The following MPP7 variants were observed in gnomAD, a reference collection of about 807,000 sequenced individuals.
The protein encoded by MPP7 is MAGUK p55 subfamily member 7.
In MPP7, 60 loss-of-function variants were observed where a neutral mutation model predicts 76.5. The observed-to-expected ratio is 0.78, with a 90% CI of 0.64 to 0.97. The LOEUF is 0.97. Ranked by LOEUF, MPP7 falls within the 50% of genes least tolerant of loss-of-function variation. The pLI is 0.00. For synonymous variants in MPP7, 237 were observed against 244.5 expected (o/e 0.97, Z 0.29); for missense variants, 641 against 694.0 (o/e 0.92, Z 0.86).
At chr10:28,110,722 G>C (rs1432909913) in intron 11 of MPP7, among the ~76,000 whole-genome samples, 1 of 151,928 alleles carries the variant, frequency 6.6e-6, no homozygotes, top group Non-Finnish European at 1.5e-5. Flanking sequence ...TAATATTTTA[G>C]GCCTCTTTCT....
chr10:28,319,127 A>G (rs1834344119), intron 2 of MPP7, among the ~76,000 whole-genome samples: 1 of 152,206 alleles, frequency 6.6e-6, no homozygotes, highest in African/African-American at 2.4e-5. Context: ...CAATCATGGC[A>G]GAGGGTGAAG....
At chr10:28,193,884 A>G (rs944662622) in intron 3 of MPP7, among the ~76,000 whole-genome samples, 53 of 150,114 alleles carry the variant, frequency 3.5e-4, no homozygotes, top group Admixed American at 2.3e-3. Flanking sequence ...AAAATTAAAA[A>G]AAAAAAAAAA....
At chr10:28,276,572 A>C (rs1190798189) in intron 1 of MPP7, among the ~76,000 whole-genome samples, 1 of 152,062 alleles carries the variant, frequency 6.6e-6, no homozygotes, top group Non-Finnish European at 1.5e-5. Context: ...CGGATTACTA[A>C]AGGATCAATA....
intron 1 of MPP7, among the ~76,000 whole-genome samples, chr10:28,286,271 G>A (rs954924445): frequency 4.0e-5 from 6 of 151,846 alleles, no homozygotes; most frequent in Admixed American, 1.3e-4. Context: ...GCGTGAACCC[G>A]GGAGGCAGAG....
intron 1 of MPP7, among the ~76,000 whole-genome samples, chr10:28,272,375 C>A (rs1040385279): frequency 2.0e-5 from 3 of 152,112 alleles, no homozygotes; most frequent in Non-Finnish European, 4.4e-5. Flanking sequence ...CTTTTTGGCA[C>A]ATATTTTACT....
At position 28,259,353 on chromosome 10, in the gene MPP7, C is replaced by T. The variant is rs146430645; in HGVS notation, c.-131-20618G>A. On this transcript the variant is annotated intron_variant, in intron 1 of 16. Transcript: ENST00000683449. Reference sequence around the variant, plus strand: ...CACCACTTTGGGAGGTCTAGGCCAGCGGATTGCTTGAGCTCAAGAGTTCGA... The same window carrying T: ...CACCACTTTGGGAGGTCTAGGCCAGTGGATTGCTTGAGCTCAAGAGTTCGA... Among the ~76,000 whole-genome samples, 1,160 of 151,878 alleles carry T rather than the reference C, an allele frequency of 7.6e-3. 15 individuals are homozygous for T. The highest frequency in any genetic ancestry group is 0.03 in the South Asian group (145 of 4,806).
At chr10:28,224,865 AT>A (rs1201281165) in intron 2 of MPP7, among the ~76,000 whole-genome samples, 1 of 152,176 alleles carries the variant, frequency 6.6e-6, no homozygotes, top group African/African-American at 2.4e-5. Flanking sequence ...TATCAAAAAA[AT>A]AAAAATAAAA....
At chr10:28,162,007 A>G (rs1207837954) in intron 3 of MPP7, among the ~76,000 whole-genome samples, 2 of 152,190 alleles carry the variant, frequency 1.3e-5, no homozygotes, top group Non-Finnish European at 2.9e-5. Context: ...ACAATTCAGA[A>G]AGCAATTGAA....
chr10:28,069,933 C>G, intron 12 of MPP7, 81 bp from the exon 13 acceptor site: 5 of 1,002,158 alleles, frequency 5.0e-6, no homozygotes, highest in South Asian at 4.3e-5. Flanking sequence ...GTCTCTAAGA[C>G]AGACTGAAAA....
At chr10:28,105,445 G>A (rs933346863) in intron 11 of MPP7, among the ~76,000 whole-genome samples, 4 of 152,106 alleles carry the variant, frequency 2.6e-5, no homozygotes, top group Non-Finnish European at 5.9e-5. Flanking sequence ...GGAATGGTGT[G>A]GACTGCGATG....
At chr10:28,237,195 A>T (rs1440290602) in intron 2 of MPP7, among the ~76,000 whole-genome samples, 1 of 152,214 alleles carries the variant, frequency 6.6e-6, no homozygotes, top group African/African-American at 2.4e-5. Context: ...GTGAACAGCA[A>T]GGTTTAAAAC....
chr10:28,097,952 T>A (rs113215914), intron 11 of MPP7, among the ~76,000 whole-genome samples: 1 of 152,170 alleles, frequency 6.6e-6, no homozygotes, highest in Admixed American at 6.5e-5. Context: ...TTCTCTTAAG[T>A]AAAAAATTTT....
At chr10:28,125,133 G>A in intron 6 of MPP7, 42 bp from the exon 7 acceptor site, 1 of 1,497,466 alleles carries the variant, frequency 6.7e-7, no homozygotes, top group Non-Finnish European at 9.3e-7. Flanking sequence ...GTAAATGTGT[G>A]TACTAGGTGT....
At chr10:28,223,338 T>A (rs545524328) in intron 2 of MPP7, among the ~76,000 whole-genome samples, 1 of 152,304 alleles carries the variant, frequency 6.6e-6, no homozygotes, top group East Asian at 1.9e-4. Flanking sequence ...CCAGATTAAT[T>A]CTTGTTTCTT....
At chr10:28,132,200 G>A (rs985161474) in intron 5 of MPP7, among the ~76,000 whole-genome samples, 4 of 151,936 alleles carry the variant, frequency 2.6e-5, no homozygotes, top group African/African-American at 7.3e-5. Flanking sequence ...CACTTTAATT[G>A]TGTGTGTAAT....
At chr10:28,254,486 C>T (rs777590309) in intron 1 of MPP7, among the ~76,000 whole-genome samples, 3 of 152,208 alleles carry the variant, frequency 2.0e-5, no homozygotes, top group Non-Finnish European at 4.4e-5. Flanking sequence ...AGTACTGACT[C>T]ATCCTGAGTT....
intron 4 of MPP7, among the ~76,000 whole-genome samples, chr10:28,148,448 C>T (rs1012657707): frequency 1.3e-5 from 2 of 152,132 alleles, no homozygotes; most frequent in Non-Finnish European, 1.5e-5. Context: ...GTCTTAAAAC[C>T]TTGCATGAAA....
intron 11 of MPP7, among the ~76,000 whole-genome samples, chr10:28,113,228 A>G (rs1424625226): frequency 1.3e-5 from 2 of 152,106 alleles, no homozygotes; most frequent in African/African-American, 4.8e-5. Context: ...AATGTCCTGG[A>G]CCCCAGTGAA....
chr10:28,277,408 A>C (rs1020357051), intron 1 of MPP7, among the ~76,000 whole-genome samples: 1 of 151,924 alleles, frequency 6.6e-6, no homozygotes. Context: ...TTAAAAAATT[A>C]AAATCACAAA....
Sources: allele counts gnomAD v4.1 joint callset (sites outside exome capture counted in the v4.1 genomes callset), GRCh38; gene constraint gnomAD v4.1.1; transcripts MANE v1.5; gene names NCBI Gene and HGNC (gene_info 2026-07-23, HGNC 2026-07-21).